Variants in ZNHIT3 observed in about 807,000 individuals in gnomAD.
The protein encoded by ZNHIT3 is zinc finger HIT-type containing 3, also known as zinc finger HIT domain-containing protein 3.
ZNHIT3 carries 27 observed loss-of-function variants against 19.9 expected under a neutral mutation model. The ratio of observed to expected loss-of-function variants is 1.36; its 90% CI spans 1.00 to 1.87. ZNHIT3 has a LOEUF of 1.87. Ranked by LOEUF, ZNHIT3 falls within the 40% of genes most tolerant of loss-of-function variation. ZNHIT3 has a pLI of 0.00. For synonymous variants in ZNHIT3, 81 were observed against 65.7 expected (o/e 1.23, Z -1.13); for missense variants, 215 against 185.6 (o/e 1.16, Z -0.92).
In ZNHIT3 at chr17:36,494,019, TA is replaced by T. The variant is rs1567717130; in HGVS notation, c.286+14del. 1.3e-6 allele frequency: 2 copies of T among 1,591,554 alleles called. No individual in the cohort carries two copies. Among genetic ancestry groups the T allele is most frequent in the Non-Finnish European group, 1.7e-6 (2 of 1,160,746 alleles). ...TTAAAGAATTTAGGTAAGTCTGTGCTATGCTTGTCAATCGTTGAGATACATT... is the reference window on the plus strand; with the variant it reads ...TTAAAGAATTTAGGTAAGTCTGTGCTTGCTTGTCAATCGTTGAGATACATT... On this transcript the variant is annotated intron_variant, in intron 4 of 4. Transcript: ENST00000617429.
chr17:36,492,650 C>A (rs973556838), intron 2 of ZNHIT3, 163 bp from the exon 3 acceptor site: 48 of 648,520 alleles, frequency 7.4e-5, no homozygotes, highest in Non-Finnish European at 1.2e-4. Flanking sequence ...TTTCCTTAAT[C>A]TCTCTCTTGC....
At chr17:36,487,056 T>C (rs887246933) in intron 2 of ZNHIT3, 90 bp downstream of exon 2, 2 of 1,529,996 alleles carry the variant, frequency 1.3e-6, no homozygotes, top group Non-Finnish European at 1.8e-6. Context: ...ACCCTTGGGC[T>C]GCGCTTCCTT....
chr17:36,497,568 CTAT>C (rs561340838), downstream of ZNHIT3: 8 of 984,142 alleles, frequency 8.1e-6, no homozygotes, highest in South Asian at 2.4e-4. Flanking sequence ...TGTAATTGAC[CTAT>C]TATTACCCTA....
downstream of ZNHIT3, chr17:36,496,010 A>ATGTT (rs574210157): frequency 6.5e-3 from 5,053 of 779,034 alleles, 23 homozygotes; most frequent in Non-Finnish European, 7.5e-3. Context: ...TGTGGCCCTG[A>ATGTT]TGTTTCTTAA....
At chr17:36,489,922 T>G (rs1158456128) in intron 2 of ZNHIT3, 1 of 151,542 alleles carries the variant, frequency 6.6e-6, no homozygotes, top group Non-Finnish European at 1.5e-5. Flanking sequence ...GCCCGGCCCA[T>G]TTGTCCACTT....
rs200852859 is a variant in ZNHIT3, at chr17:36,486,964, A to G, written c.116A>G (p.Lys39Arg). 8.7e-6 allele frequency: 14 copies of G among 1,611,160 alleles called. No homozygotes were observed. Among genetic ancestry groups the G allele is most frequent in the Admixed American group, 3.4e-5 (2 of 59,586 alleles). Residue 39 changes from lysine (K) to arginine (R), a missense_variant and splice_region_variant, in exon 2 of 5, where the codon AAA becomes AGA. Physicochemically the swap from Lys to Arg is conservative, Grantham distance 26. Transcript: ENST00000617429. ...YCSVVCFRKH[K>R]EQCNPETRPV... The stretch of plus-strand genomic sequence containing the variant: ...TCGGTAGTCTGCTTCCGGAAGCACA[A>G]AGGTGAGCCCCGTCCCCGCCAGCCC...
In ZNHIT3 at chr17:36,486,709, C is replaced by T. The variant is rs1264584998; in HGVS notation, c.10C>T (p.Leu4Phe). 4 of 1,613,792 alleles carry T rather than the reference C, an allele frequency of 2.5e-6. No individual in the cohort carries two copies. The highest frequency in any genetic ancestry group is 1.7e-5 in the Admixed American group (1 of 59,988). Reference protein sequence around the residue: MASLKCSTVVCVIC... With the variant: MASFKCSTVVCVIC... The stretch of plus-strand genomic sequence containing the variant: ...CTCCTTCCACAAAACCATGGCGTCG[C>T]TCAAATGTAGCACCGTCGTCTGCGT... The change falls in exon 1 of 5, where the codon CTC becomes TTC. Residue 4 changes from leucine to phenylalanine, a missense_variant. Physicochemically the swap from Leu to Phe is conservative, Grantham distance 22. Transcript: ENST00000617429.
Position 36,493,933 on chromosome 17 carries a change from T to TGAC in ZNHIT3, c.214_216dup (p.Asp72dup), listed in dbSNP as rs777561343. 12 of 1,612,946 alleles carry TGAC rather than the reference T, an allele frequency of 7.4e-6. No individual in the cohort carries two copies. In the East Asian group the frequency reaches 2.5e-4, roughly 33 times the overall value. On this transcript the variant is annotated inframe_insertion, in exon 4 of 5. Transcript: ENST00000617429. ...CTGTTTTGTATTCCTTAGATGATGA[T>TGAC]GACTCTATAGCTGATTTTCTCAATA...
At chr17:36,497,619 C>T (rs2071116202), downstream of ZNHIT3, 1 of 877,818 alleles carries the variant, frequency 1.1e-6, no homozygotes, top group Non-Finnish European at 1.4e-6. Context: ...GACTCTCGTC[C>T]TGTCACCCAG....
chr17:36,495,580 T>G lies in ZNHIT3; in HGVS notation c.*176T>G, dbSNP rs1396445422. 4 of 1,307,642 alleles carry G rather than the reference T, an allele frequency of 3.1e-6. No homozygotes were observed. Among genetic ancestry groups the G allele is most frequent in the Non-Finnish European group, 3.9e-6 (4 of 1,031,708 alleles). 81.0% of individuals were successfully genotyped at this position (1,307,642 alleles called of 1,614,324 possible). A position where few individuals can be genotyped will look rare whatever the true frequency, so the allele number is the denominator to read the frequency against. On this transcript the variant is annotated 3_prime_UTR_variant, in exon 5 of 5. Coordinates refer to ENST00000617429, the MANE Select transcript of ZNHIT3 (RefSeq NM_004773.4). ...GATGTGGCTCATGTTTCAGGCAGAC[T>G]TGGGGTCCTTAAGGTGGCAAGTCCT...
chr17:36,492,682 C>A, intron 2 of ZNHIT3, 131 bp from the exon 3 acceptor site: 1 of 752,164 alleles, frequency 1.3e-6, no homozygotes, highest in Non-Finnish European at 2.3e-6. Flanking sequence ...ACTTCTTCCA[C>A]ATTCCTGGGC....
Position 36,495,717 on chromosome 17 carries a change from T to C in ZNHIT3, c.*313T>C. On this transcript the variant is annotated 3_prime_UTR_variant, in exon 5 of 5. Coordinates refer to ENST00000617429, the MANE Select transcript of ZNHIT3 (RefSeq NM_004773.4). ...GCTTACACTTCATATGGAGTTAAAC[T>C]TGGTCAGTGTTAATAAAATCAAAAC... is the stretch of plus-strand genomic sequence containing the variant. 8.0e-7 allele frequency: 1 copy of C among 1,250,678 alleles called. No homozygotes were observed. The highest frequency in any genetic ancestry group is 3.1e-5 in the East Asian group (1 of 32,738). 77.5% of individuals were successfully genotyped at this position (1,250,678 alleles called of 1,614,324 possible).
chr17:36,488,832 G>A (rs1056326242), intron 2 of ZNHIT3, among the ~76,000 whole-genome samples: 1 of 152,138 alleles, frequency 6.6e-6, no homozygotes, highest in African/African-American at 2.4e-5. Context: ...GGGAACACTC[G>A]CAATCCTCTC....
chr17:36,486,708 G>A lies in ZNHIT3; in HGVS notation c.9G>A (p.Ser3=). ...TCTCCTTCCACAAAACCATGGCGTCGCTCAAATGTAGCACCGTCGTCTGCG... is the reference window on the plus strand; with the variant it reads ...TCTCCTTCCACAAAACCATGGCGTCACTCAAATGTAGCACCGTCGTCTGCG... MA[S]LKCSTVVCVI... The change falls in exon 1 of 5, where the codon TCG becomes TCA. Residue 3 remains serine, a synonymous_variant. Transcript: ENST00000617429. 1 of 1,613,816 alleles carries A rather than the reference G, an allele frequency of 6.2e-7. No homozygotes were observed. The highest frequency in any genetic ancestry group is 8.5e-7 in the Non-Finnish European group (1 of 1,179,892).
chr17:36,487,610 A>G lies in ZNHIT3; in HGVS notation c.118+644A>G, dbSNP rs757678869. Among the ~76,000 whole-genome samples, 48 of 151,766 alleles carry G rather than the reference A, an allele frequency of 3.2e-4. 1 individual carries two copies. Among genetic ancestry groups the G allele is most frequent in the Admixed American group, 2.6e-3 (40 of 15,248 alleles). On this transcript the variant is annotated intron_variant, in intron 2 of 4. Transcript: ENST00000617429. ...GGAGTTCGAGACCAGCCTGGCCAAC[A>G]TGGTGAAACTCCGTCTCTACTAAAA...
At chr17:36,498,720 A>G, downstream of ZNHIT3, 1 of 708,638 alleles carries the variant, frequency 1.4e-6, no homozygotes, top group Non-Finnish European at 2.3e-6. Flanking sequence ...TCCATATGCC[A>G]CAAGTCTATA....
At chr17:36,488,124 ATTCT>A (rs2070627605) in intron 2 of ZNHIT3, among the ~76,000 whole-genome samples, 1 of 149,172 alleles carries the variant, frequency 6.7e-6, no homozygotes, top group Non-Finnish European at 1.5e-5. Context: ...CTTGATGTAG[ATTCT>A]TTCAGCTTAT....
In ZNHIT3 at chr17:36,486,814, G is replaced by A. The variant is rs193277074; in HGVS notation, c.86+29G>A. The A allele has an allele frequency of 9.3e-6, 15 of 1,608,584 alleles. No individual in the cohort carries two copies. In the Admixed American group the frequency reaches 2.0e-4, roughly 22 times the overall value. On this transcript the variant is annotated intron_variant, in intron 1 of 4. Transcript: ENST00000617429. Reference sequence around the variant, plus strand: ...AGCGGGGAGGTCGCGGGGTCCAGGGGCGCGGGTGTCCGGCCATGGCGGGAG... The same window carrying A: ...AGCGGGGAGGTCGCGGGGTCCAGGGACGCGGGTGTCCGGCCATGGCGGGAG...
At position 36,495,296 on chromosome 17, in the gene ZNHIT3, A is replaced by T; in HGVS notation, c.360A>T (p.Gly120=). ...LRQLMVNLDQ[G]EDKAKLMRAY... ...AGTTGATGGTCAACCTCGATCAGGG[A>T]GAAGACAAAGCAAAGCTCATGAGAG... The change falls in exon 5 of 5, where the codon GGA becomes GGT. Residue 120 remains glycine (G), a synonymous_variant. Coordinates refer to ENST00000617429, the MANE Select transcript of ZNHIT3 (RefSeq NM_004773.4). The T allele has an allele frequency of 6.2e-7, 1 of 1,613,868 alleles. No individual in the cohort carries two copies. The highest frequency in any genetic ancestry group is 1.3e-5 in the African/African-American group (1 of 75,038).
Sources: allele counts gnomAD v4.1 joint callset (sites outside exome capture counted in the v4.1 genomes callset), GRCh38; gene constraint gnomAD v4.1.1; transcripts MANE v1.5; gene names NCBI Gene and HGNC (gene_info 2026-07-23, HGNC 2026-07-21).